Variants in PGBD5 observed in about 807,000 individuals in gnomAD.
PGBD5 encodes the protein piggyBac transposable element-derived protein 5.
A neutral mutation model predicts 47.9 loss-of-function variants in PGBD5; 14 were observed. The ratio of observed to expected loss-of-function variants is 0.29; its 90% CI spans 0.19 to 0.46. The LOEUF (loss-of-function observed/expected upper bound fraction) is 0.46, where lower values mean the gene tolerates loss of function less well. PGBD5 is among the 20% of genes least tolerant of loss of function. The pLI is 1.00. For synonymous variants in PGBD5, 316 were observed against 306.3 expected (o/e 1.03, Z -0.33); for missense variants, 635 against 716.0 (o/e 0.89, Z 1.29).
chr1:230,329,865 A>G (rs1571823904), intron 5 of PGBD5, among the ~76,000 whole-genome samples: 1 of 152,254 alleles, frequency 6.6e-6, no homozygotes, highest in Admixed American at 6.5e-5. Context: ...ATTACACCAT[A>G]AAACAGCCAG....
rs559436364 is a variant in PGBD5, at chr1:230,405,819, T to TG, written c.331+19778dup. On this transcript the variant is annotated intron_variant, in intron 1 of 6. Transcript: ENST00000391860. ...TTGATGCCTATTTCAATGTTGTTTCTGACACCCTTGATTTGATGGGTGATT... is the reference window on the plus strand; with the variant it reads ...TTGATGCCTATTTCAATGTTGTTTCTGGACACCCTTGATTTGATGGGTGATT... Among the ~76,000 whole-genome samples the TG allele has an allele frequency of 1.1e-4, 17 of 152,390 alleles. No homozygotes were observed. The South Asian group carries it at 3.3e-3, about 30-fold the overall frequency.
intron 4 of PGBD5, 43 bp from the exon 5 acceptor site, chr1:230,333,084 G>C: frequency 6.5e-7 from 1 of 1,547,830 alleles, no homozygotes; most frequent in Non-Finnish European, 8.7e-7. Flanking sequence ...ACCACCATCG[G>C]AGATGCCGGC....
intron 1 of PGBD5, among the ~76,000 whole-genome samples, chr1:230,390,280 T>A (rs1273168109): frequency 6.6e-6 from 1 of 152,034 alleles, no homozygotes; most frequent in Non-Finnish European, 1.5e-5. Flanking sequence ...AGATGCTCTC[T>A]CACCCACCCA....
chr1:230,359,297 C>T (rs983849391), intron 1 of PGBD5, among the ~76,000 whole-genome samples: 4 of 152,190 alleles, frequency 2.6e-5, no homozygotes, highest in Admixed American at 6.5e-5. Context: ...CTTCTGACCT[C>T]AAGAGATTGG....
Position 230,411,680 on chromosome 1 carries a change from G to T in PGBD5, c.331+13918C>A, listed in dbSNP as rs1435257362. 2.6e-5 allele frequency among the ~76,000 whole-genome samples: 4 copies of T among 152,302 alleles called. No homozygotes were observed. The East Asian group carries it at 7.7e-4, about 29-fold the overall frequency. On this transcript the variant is annotated intron_variant, in intron 1 of 6. Transcript: ENST00000391860. ...TTATTAACAAATCTGGCTTATGATT[G>T]ATTTGTTACAGAAACTCTGAACTAA...
At chr1:230,393,469 C>T (rs534234615) in intron 1 of PGBD5, among the ~76,000 whole-genome samples, 2 of 152,204 alleles carry the variant, frequency 1.3e-5, no homozygotes, top group East Asian at 3.9e-4. Flanking sequence ...TCACAGGACA[C>T]GGGAGGGTCT....
chr1:230,374,775 G>T (rs1667985240), intron 1 of PGBD5, among the ~76,000 whole-genome samples: 1 of 152,194 alleles, frequency 6.6e-6, no homozygotes, highest in African/African-American at 2.4e-5. Context: ...CAGAGAGCAG[G>T]ATTAGGAAGT....
chr1:230,381,067 G>A (rs147203351), intron 1 of PGBD5, among the ~76,000 whole-genome samples: 1 of 152,316 alleles, frequency 6.6e-6, no homozygotes, highest in East Asian at 1.9e-4. Flanking sequence ...TTATAAACCT[G>A]CTGTCACACA....
intron 1 of PGBD5, among the ~76,000 whole-genome samples, chr1:230,400,884 T>C (rs1210357139): frequency 6.6e-6 from 1 of 152,244 alleles, no homozygotes; most frequent in East Asian, 1.9e-4. Context: ...TGTTCACAAC[T>C]GCCTTGCAGT....
At chr1:230,368,081 G>A in intron 1 of PGBD5, 1 of 1,367,932 alleles carries the variant, frequency 7.3e-7, no homozygotes, top group South Asian at 1.1e-5. Context: ...CTCTGTGGTT[G>A]CTTCTGATTT....
intron 1 of PGBD5, among the ~76,000 whole-genome samples, chr1:230,370,129 A>T (rs561681336): frequency 1.7e-4 from 26 of 152,342 alleles, no homozygotes; most frequent in Admixed American, 3.9e-4. Flanking sequence ...AAGGACGGGG[A>T]TGGAGCTGCA....
chr1:230,424,215 C>A (rs1223930277), intron 1 of PGBD5, among the ~76,000 whole-genome samples: 1 of 152,094 alleles, frequency 6.6e-6, no homozygotes, highest in Non-Finnish European at 1.5e-5. Context: ...TCTTAAAGAG[C>A]CAATAGGAAA....
intron 1 of PGBD5, among the ~76,000 whole-genome samples, chr1:230,379,131 C>T (rs1668056290): frequency 6.6e-6 from 1 of 152,180 alleles, no homozygotes; most frequent in Admixed American, 6.5e-5. Context: ...CTGAGCCAAT[C>T]CCTAGATGTC....
At chr1:230,421,620 C>T (rs1308901627) in intron 1 of PGBD5, among the ~76,000 whole-genome samples, 5 of 152,220 alleles carry the variant, frequency 3.3e-5, no homozygotes, top group Non-Finnish European at 5.9e-5. Context: ...GCTCCAGTTT[C>T]ACCCCCTACA....
intron 3 of PGBD5, among the ~76,000 whole-genome samples, chr1:230,344,248 A>G (rs896154389): frequency 1.1e-4 from 17 of 151,890 alleles, no homozygotes; most frequent in African/African-American, 2.4e-5. Flanking sequence ...TCACGCCACT[A>G]CACTCCAGCC....
rs1372786140 is a variant in PGBD5, at chr1:230,332,854, C to T, written c.1263G>A (p.Pro421=). 1.9e-6 allele frequency: 3 copies of T among 1,614,166 alleles called. No individual in the cohort carries two copies. The highest frequency in any genetic ancestry group is 2.2e-5 in the East Asian group (1 of 44,868). ...CGGACCCGCACTCACCCTGCTGCAC[C>T]GGGGAGTAGGCGTTGGTCAGGAAGC... The part of the protein sequence containing the change: ...HFRFLTNAYS[P]VQQGVIIKRK... The change falls in exon 5 of 7, where the codon CCG becomes CCA. Residue 421 remains proline, a synonymous_variant. Transcript: ENST00000391860.
Position 230,315,767 on chromosome 1 carries a change from T to G in PGBD5, c.*7658A>C, listed in dbSNP as rs1165958715. 17 of 98,590 alleles carry G rather than the reference T, an allele frequency of 1.7e-4. No individual in the cohort carries two copies. Among genetic ancestry groups the G allele is most frequent in the African/African-American group, 3.1e-4 (10 of 32,166 alleles). The allele number at this position is 98,590 out of a possible 1,614,324, so 6.1% of individuals were successfully genotyped here. On this transcript the variant is annotated 3_prime_UTR_variant, in exon 7 of 7. Coordinates refer to ENST00000391860, the MANE Select transcript of PGBD5 (RefSeq NM_001258311.2). ...TGTGTATATATACACATACATATAT[T>G]ATAGATGTATGCATATATGTATATA...
rs745691276 is a variant in PGBD5 at position 230,351,034 on chromosome 1, C to A, written c.818G>T (p.Arg273Leu). ...CCGCTTTTTCCTCTTTCGCAGCTCC[C>A]GCTCTGTGCACGTGGCAATGAATAC... ...DPVFIATCTE[R>L]ELRKRKKRKF... Residue 273 changes from arginine (R) to leucine (L), a missense_variant, in exon 3 of 7, where the codon CGG becomes CTG. Physicochemically the swap from Arg to Leu is moderately radical, Grantham distance 102 (BLOSUM62 -2). Transcript: ENST00000391860. 3 of 1,614,090 alleles carry A rather than the reference C, an allele frequency of 1.9e-6. No individual in the cohort carries two copies. The highest frequency in any genetic ancestry group is 1.1e-5 in the South Asian group (1 of 91,056).
intron 1 of PGBD5, among the ~76,000 whole-genome samples, chr1:230,373,103 G>T (rs571892077): frequency 6.6e-6 from 1 of 152,186 alleles, no homozygotes; most frequent in Admixed American, 6.5e-5. Flanking sequence ...CAGAGTGGCC[G>T]CTAGGTATGG....
Sources: gnomAD v4.1 joint callset for allele counts (sites outside exome capture counted in the v4.1 genomes callset) on GRCh38, gnomAD v4.1.1 for gene constraint, MANE v1.5 for transcripts, NCBI Gene and HGNC (gene_info 2026-07-23, HGNC 2026-07-21) for gene names.